Variants in ZNF536 observed in about 807,000 individuals in gnomAD.
ZNF536 encodes zinc finger protein 536.
Under a neutral mutation model 84.5 loss-of-function variants are expected in ZNF536, and 13 were observed. The ratio of observed to expected loss-of-function variants is 0.15; its 90% confidence interval spans 0.10 to 0.24. The LOEUF (loss-of-function observed/expected upper bound fraction) is 0.24. Ranked by LOEUF, ZNF536 falls within the 10% of genes least tolerant of loss-of-function variation. ZNF536 has a pLI of 1.00. For synonymous variants in ZNF536, 811 were observed against 742.5 expected (o/e 1.09, Z -1.50); for missense variants, 1,536 against 1,747.5 (o/e 0.88, Z 2.16).
At chr19:30,375,062 G>C (rs2048759350) in intron 1 of ZNF536, among the ~76,000 whole-genome samples, 2 of 151,930 alleles carry the variant, frequency 1.3e-5, no homozygotes, top group South Asian at 2.1e-4. Flanking sequence ...ATTAATAATC[G>C]TTACCAAAGA....
At chr19:30,261,037 G>A (rs904980486) in intron 1 of ZNF536, among the ~76,000 whole-genome samples, 9 of 152,112 alleles carry the variant, frequency 5.9e-5, no homozygotes, top group Admixed American at 2.0e-4. Context: ...GGTGGCTCAC[G>A]CCTGTAATCC....
intron 1 of ZNF536, among the ~76,000 whole-genome samples, chr19:30,705,682 G>A (rs960901540): frequency 3.3e-5 from 5 of 152,130 alleles, no homozygotes; most frequent in Admixed American, 2.6e-4. Flanking sequence ...GGTACTATCA[G>A]TATTATCTAC....
intron 1 of ZNF536, among the ~76,000 whole-genome samples, chr19:30,418,981 A>G (rs2050844745): frequency 6.6e-6 from 1 of 152,236 alleles, no homozygotes; most frequent in African/African-American, 2.4e-5. Context: ...TTTTCTGATT[A>G]GAGAAACGAT....
At chr19:30,397,034 A>G (rs779892263) in intron 1 of ZNF536, among the ~76,000 whole-genome samples, 1 of 152,166 alleles carries the variant, frequency 6.6e-6, no homozygotes, top group Non-Finnish European at 1.5e-5. Context: ...TCCACATCCT[A>G]TAACTCTATG....
intron 1 of ZNF536, among the ~76,000 whole-genome samples, chr19:30,241,598 G>A (rs979392903): frequency 6.6e-6 from 1 of 152,196 alleles, no homozygotes; most frequent in Non-Finnish European, 1.5e-5. Flanking sequence ...GAGCAGCAGT[G>A]TGGCTGGAGT....
chr19:30,240,057 G>A (rs1229326481), intron 1 of ZNF536, among the ~76,000 whole-genome samples: 2 of 152,068 alleles, frequency 1.3e-5, no homozygotes, highest in East Asian at 1.9e-4. Context: ...CAAAGGTGTC[G>A]ACATTGGTTG....
intron 1 of ZNF536, among the ~76,000 whole-genome samples, chr19:30,236,455 T>G (rs1195536596): frequency 6.6e-6 from 1 of 151,866 alleles, no homozygotes; most frequent in Admixed American, 6.5e-5. Context: ...CATTTCCTTC[T>G]TTTTGGCTTT....
intron 1 of ZNF536, among the ~76,000 whole-genome samples, chr19:30,576,446 G>T (rs1256420912): frequency 2.0e-5 from 3 of 152,148 alleles, no homozygotes; most frequent in Non-Finnish European, 4.4e-5. Context: ...CATCTTGGGA[G>T]CCCCAGTTTC....
intron 1 of ZNF536, among the ~76,000 whole-genome samples, chr19:30,606,660 C>T (rs1396598110): frequency 6.6e-6 from 1 of 152,122 alleles, no homozygotes; most frequent in Non-Finnish European, 1.5e-5. Context: ...GTGAAGGAAA[C>T]AGAGAAGAAT....
intron 2 of ZNF536, among the ~76,000 whole-genome samples, chr19:30,518,161 C>T (rs1358834589): frequency 2.6e-5 from 4 of 152,188 alleles, no homozygotes; most frequent in African/African-American, 9.7e-5. Context: ...CAAGCACGGT[C>T]CAGCCATCAC....
At position 30,621,003 on chromosome 19, in the gene ZNF536, T is replaced by C. The variant is rs75770437; in HGVS notation, c.169+71489T>C. ...AAAGGAAGGGGCTTCTAATCAAGAGTATTCTTTAGATACAGAGCATCAGAC... is the reference window on the plus strand; with the variant it reads ...AAAGGAAGGGGCTTCTAATCAAGAGCATTCTTTAGATACAGAGCATCAGAC... On this transcript the variant is annotated intron_variant, in intron 1 of 1. Transcript: ENST00000592773. 6.5e-4 allele frequency among the ~76,000 whole-genome samples: 99 copies of C among 152,158 alleles called. 2 individuals carry two copies. Among genetic ancestry groups the C allele is most frequent in the African/African-American group, 2.3e-3 (96 of 41,486 alleles).
At chr19:30,505,736 G>T (rs1318691576) in intron 2 of ZNF536, among the ~76,000 whole-genome samples, 1 of 151,958 alleles carries the variant, frequency 6.6e-6, no homozygotes, top group Non-Finnish European at 1.5e-5. Flanking sequence ...CATGATCTCG[G>T]CTCACTGCAA....
At chr19:30,387,782 C>T (rs1410644236) in intron 1 of ZNF536, among the ~76,000 whole-genome samples, 1 of 152,236 alleles carries the variant, frequency 6.6e-6, no homozygotes, top group African/African-American at 2.4e-5. Flanking sequence ...TTGGAAACTA[C>T]TTACCCTACT....
chr19:30,393,005 C>A (rs924259678), intron 1 of ZNF536, among the ~76,000 whole-genome samples: 12 of 152,176 alleles, frequency 7.9e-5, no homozygotes, highest in African/African-American at 2.9e-4. Context: ...AGCATTCATT[C>A]ATTTATCTGG....
intron 1 of ZNF536, among the ~76,000 whole-genome samples, chr19:30,621,814 A>G (rs1461213163): frequency 6.6e-6 from 1 of 152,238 alleles, no homozygotes; most frequent in African/African-American, 2.4e-5. Context: ...GGAACCTCAC[A>G]GCGTCATCTG....
chr19:30,637,660 G>T (rs2049117193), intron 1 of ZNF536, among the ~76,000 whole-genome samples: 1 of 152,168 alleles, frequency 6.6e-6, no homozygotes. Flanking sequence ...TACCCTTGAT[G>T]ATCACATAGC....
At chr19:30,291,405 T>C (rs2045837590) in intron 2 of ZNF536, among the ~76,000 whole-genome samples, 1 of 152,252 alleles carries the variant, frequency 6.6e-6, no homozygotes, top group Admixed American at 6.5e-5. Context: ...TGGTATCTCT[T>C]CGTGGTTTCA....
At chr19:30,648,950 G>T (rs1026236789) in intron 1 of ZNF536, among the ~76,000 whole-genome samples, 3 of 152,206 alleles carry the variant, frequency 2.0e-5, no homozygotes, top group African/African-American at 4.8e-5. Flanking sequence ...ACTTTAGGGG[G>T]TTCTTCTTCA....
intron 1 of ZNF536, among the ~76,000 whole-genome samples, chr19:30,575,187 G>T (rs180772791): frequency 2.6e-5 from 4 of 152,276 alleles, no homozygotes; most frequent in African/African-American, 9.6e-5. Flanking sequence ...TCTCTCCTAT[G>T]CCAGGCACTC....
Sources: allele counts gnomAD v4.1 joint callset (sites outside exome capture counted in the v4.1 genomes callset), GRCh38; gene constraint gnomAD v4.1.1; transcripts MANE v1.5; gene names NCBI Gene and HGNC (gene_info 2026-07-23, HGNC 2026-07-21).